Variants in DIAPH1 observed in about 807,000 individuals in gnomAD.
DIAPH1 encodes diaphanous related formin 1.
DIAPH1 carries 46 observed loss-of-function variants against 140.7 expected under a neutral mutation model. That is an observed-to-expected ratio of 0.33 (90% CI 0.26 to 0.42). DIAPH1 has a LOEUF of 0.42. DIAPH1 is among the 10% of genes least tolerant of loss of function. The pLI, the probability that DIAPH1 is intolerant of heterozygous loss-of-function variation, is 1.00. For missense variants in DIAPH1, 1,310 were observed against 1,558.7 expected (o/e 0.84, Z 2.69); for synonymous variants, 565 against 551.6 (o/e 1.02, Z -0.34).
intron 3 of DIAPH1, among the ~76,000 whole-genome samples, chr5:141,586,241 C>G (rs2099897529): frequency 6.6e-6 from 1 of 152,146 alleles, no homozygotes; most frequent in Non-Finnish European, 1.5e-5. Flanking sequence ...ACTCTTAATG[C>G]ACTTGGAATA....
rs759820677 is a variant in DIAPH1, at chr5:141,573,998, G to A, written c.1852C>T (p.Pro618Ser). The A allele has an allele frequency of 1.8e-5, 20 of 1,107,970 alleles. No homozygotes were observed. In the African/African-American group the frequency reaches 3.2e-4, roughly 18 times the overall value. The allele number at this position is 1,107,970 out of a possible 1,614,324, so 68.6% of individuals were successfully genotyped here. Residue 618 changes from proline to serine, a missense_variant, in exon 16 of 28, where the codon CCA (proline) becomes TCA (serine). Around this residue, in one of 3 missense-constraint regions of DIAPH1, gnomAD observed 589 missense variants for 549.3 expected, o/e 1.07. Transcript: ENST00000389054. ...PPPPPPPPPP[P>S]PPLPGGVCIS... is the part of the protein sequence containing the mutation. ...CAAACACCCCCAGGCAAAGGAGGTG[G>A]AGGAGGAGGAGGAGGAGGAGGAGGA...
At chr5:141,533,893 T>C (rs528508844) in intron 19 of DIAPH1, among the ~76,000 whole-genome samples, 2 of 152,136 alleles carry the variant, frequency 1.3e-5, no homozygotes, top group Admixed American at 1.3e-4. Flanking sequence ...TAGCTGAGCA[T>C]GGTGGTGCAC....
rs112667675 is a variant in DIAPH1, at chr5:141,610,526, C to T, written c.117+8272G>A. On this transcript the variant is annotated intron_variant, in intron 1 of 27. Coordinates refer to ENST00000389054, the MANE Select transcript of DIAPH1 (RefSeq NM_005219.5). The stretch of plus-strand genomic sequence containing the variant: ...ATGTTGGCCAGGATGGTCTCGATCT[C>T]TTCATCTCGTGATCCGCCCACCCTG... 1.6e-3 allele frequency among the ~76,000 whole-genome samples: 242 copies of T among 152,162 alleles called. 1 individual carries two copies. The highest frequency in any genetic ancestry group is 5.7e-3 in the African/African-American group (235 of 41,526).
chr5:141,587,103 G>A lies in DIAPH1; in HGVS notation c.239C>T (p.Thr80Ile), dbSNP rs777368467. 8.1e-6 allele frequency: 13 copies of A among 1,614,046 alleles called. No homozygotes were observed. The highest frequency in any genetic ancestry group is 2.7e-5 in the African/African-American group (2 of 74,942). ...NSSASYGDDP[T>I]AQSLQDVSDE... ...TGAAACATCTTGCAATGACTGTGCT[G>A]TGGGATCATCCCCATATGATGCAGA... Residue 80 changes from threonine to isoleucine, a missense_variant, in exon 3 of 28, where the codon ACA becomes ATA. By Grantham distance (89) the Thr-to-Ile change is moderately conservative (BLOSUM62 -1). Coordinates refer to ENST00000389054, the MANE Select transcript of DIAPH1 (RefSeq NM_005219.5).
intron 1 of DIAPH1, chr5:141,618,404 T>G (rs368319321): frequency 2.5e-5 from 4 of 160,982 alleles, no homozygotes; most frequent in East Asian, 3.6e-4. Flanking sequence ...CCAAAAAAGG[T>G]GTAAGGTTAA....
intron 18 of DIAPH1, among the ~76,000 whole-genome samples, chr5:141,555,768 G>A (rs923551136): frequency 1.3e-5 from 2 of 152,184 alleles, no homozygotes; most frequent in African/African-American, 4.8e-5. Context: ...AGAAAAGAGA[G>A]ACCCTTACAC....
intron 19 of DIAPH1, among the ~76,000 whole-genome samples, chr5:141,531,015 C>G (rs1273549424): frequency 6.6e-6 from 1 of 152,152 alleles, no homozygotes; most frequent in East Asian, 1.9e-4. Flanking sequence ...GTTTCTCTTT[C>G]TTTCACTTTA....
At chr5:141,518,312 G>GGA (rs1229871813) in intron 27 of DIAPH1, among the ~76,000 whole-genome samples, 58 of 115,308 alleles carry the variant, frequency 5.0e-4, no homozygotes, top group African/African-American at 1.8e-3. Context: ...AGCTCAATTG[G>GGA]AAAAAAAAAA....
Position 141,588,261 on chromosome 5 carries a change from G to A in DIAPH1, c.118-11C>T. 1 of 1,608,278 alleles carries A rather than the reference G, an allele frequency of 6.2e-7. No homozygotes were observed. Among genetic ancestry groups the A allele is most frequent in the Non-Finnish European group, 8.5e-7 (1 of 1,175,088 alleles). On this transcript the variant is annotated splice_polypyrimidine_tract_variant and intron_variant, in intron 1 of 27. Transcript: ENST00000389054. ...GAGCCGCTTCAGAGTCTAGGAAACA[G>A]GAAAAAGGAGGGAGAAGAAAGAAGA...
intron 21 of DIAPH1, 79 bp from the exon 22 acceptor site, chr5:141,529,020 G>A: frequency 1.3e-6 from 2 of 1,589,634 alleles, no homozygotes; most frequent in Non-Finnish European, 1.7e-6. Context: ...AGCCTCCTAT[G>A]GGAGGATCAC....
At position 141,565,487 on chromosome 5, in the gene DIAPH1, TAAC is replaced by T. The variant is rs903504620; in HGVS notation, c.2482+5938_2482+5940del. 6.6e-6 allele frequency among the ~76,000 whole-genome samples: 1 copy of T among 152,214 alleles called. No homozygotes were observed. Among genetic ancestry groups the T allele is most frequent in the Non-Finnish European group, 1.5e-5 (1 of 68,028 alleles). On this transcript the variant is annotated intron_variant, in intron 18 of 27. Coordinates refer to ENST00000389054, the MANE Select transcript of DIAPH1 (RefSeq NM_005219.5). The surrounding 1 kb of genome is among the most constrained non-coding windows in gnomAD (Gnocchi z 4.3). The stretch of plus-strand genomic sequence containing the variant: ...TTCTACATATTTGTTAAAATGATGA[TAAC>T]AAATTAGTCCAGGAACTGGCTTTAG...
At chr5:141,527,877 C>A in intron 23 of DIAPH1, among the ~76,000 whole-genome samples, 180 bp from the exon 24 acceptor site, 1 of 152,094 alleles carries the variant, frequency 6.6e-6, no homozygotes, top group East Asian at 1.9e-4. Context: ...CTTAAGTTTT[C>A]ATCTTTCCAG....
chr5:141,578,943 T>C (rs2099896352), intron 9 of DIAPH1, 145 bp downstream of exon 9: 1 of 769,862 alleles, frequency 1.3e-6, no homozygotes, highest in Non-Finnish European at 2.3e-6. Context: ...GAAAGAAGGT[T>C]AATCATTTTC....
chr5:141,523,518 T>C (rs2099886860), intron 27 of DIAPH1, among the ~76,000 whole-genome samples: 1 of 152,124 alleles, frequency 6.6e-6, no homozygotes, highest in Non-Finnish European at 1.5e-5. Flanking sequence ...TGTAATCCAC[T>C]TAGATCTTCC....
Position 141,579,620 on chromosome 5 carries a change from T to C in DIAPH1, c.825-424A>G, listed in dbSNP as rs139661036. ...ACTGCAGTATCATTTGTAAAAATGA[T>C]CACCTAGAACAGATAGTGAAATCTG... On this transcript the variant is annotated intron_variant, in intron 8 of 27. Transcript: ENST00000389054. Among the ~76,000 whole-genome samples the C allele has an allele frequency of 4.6e-5, 7 of 152,258 alleles. No individual in the cohort carries two copies. The East Asian group carries it at 5.8e-4, about 13-fold the overall frequency.
intron 19 of DIAPH1, among the ~76,000 whole-genome samples, chr5:141,533,734 A>C (rs2099888586): frequency 6.6e-6 from 1 of 152,132 alleles, no homozygotes; most frequent in South Asian, 2.1e-4. Context: ...CAGTGGCTAG[A>C]CCATCTGTGG....
intron 19 of DIAPH1, among the ~76,000 whole-genome samples, chr5:141,530,825 AT>A (rs908761711): frequency 6.6e-6 from 1 of 151,946 alleles, no homozygotes; most frequent in Admixed American, 6.6e-5. Context: ...CTATACCAAC[AT>A]TTTCGTAAGC....
intron 27 of DIAPH1, among the ~76,000 whole-genome samples, chr5:141,523,488 T>C (rs2099886855): frequency 6.6e-6 from 1 of 152,142 alleles, no homozygotes; most frequent in Admixed American, 6.5e-5. Flanking sequence ...CCATAATTCT[T>C]TTTAGAATCT....
intron 1 of DIAPH1, among the ~76,000 whole-genome samples, chr5:141,603,763 A>G (rs2099900512): frequency 6.6e-6 from 1 of 152,244 alleles, no homozygotes. Flanking sequence ...GGGGAAAACT[A>G]TCTTAATATT....
Sources: allele counts gnomAD v4.1 joint callset (sites outside exome capture counted in the v4.1 genomes callset), GRCh38; gene constraint gnomAD v4.1.1; regional missense constraint gnomAD v4.1.1; non-coding constraint Gnocchi (gnomAD v3.1); transcripts MANE v1.5; gene names NCBI Gene and HGNC (gene_info 2026-07-23, HGNC 2026-07-21).